The following BLTP1 variants were observed in gnomAD, a reference collection of about 807,000 sequenced individuals.
BLTP1 encodes the protein fragile site-associated protein.
the BLTP1 span, among the ~76,000 whole-genome samples, chr4:122,159,583 T>G: frequency 6.6e-6 from 1 of 152,320 alleles, no homozygotes; most frequent in Non-Finnish European, 1.5e-5. Context: ...TGATTTTTTC[T>G]TTAAGAATAT....
chr4:122,324,483 A>G, the BLTP1 span: 2 of 1,611,140 alleles, frequency 1.2e-6, no homozygotes, highest in Non-Finnish European at 1.7e-6. Flanking sequence ...ACAGCCGATC[A>G]AAAAGCATTT....
At chr4:122,312,015 A>G in the BLTP1 span, among the ~76,000 whole-genome samples, 1 of 152,098 alleles carries the variant, frequency 6.6e-6, no homozygotes, top group East Asian at 1.9e-4. Flanking sequence ...ATGAGTTTAT[A>G]TATTCATCTT....
the BLTP1 span, among the ~76,000 whole-genome samples, chr4:122,262,524 TATAATATTG>T: frequency 2.6e-5 from 4 of 152,134 alleles, no homozygotes; most frequent in Non-Finnish European, 5.9e-5. Flanking sequence ...TGTGCTTCAT[TATAATATTG>T]ATAATAAAAG....
chr4:122,334,280 T>C, the BLTP1 span: 4 of 1,347,046 alleles, frequency 3.0e-6, no homozygotes, highest in South Asian at 5.2e-5. Context: ...CACATTTTTC[T>C]ATATTTCTTG....
At chr4:122,160,870 C>T in the BLTP1 span, among the ~76,000 whole-genome samples, 1 of 151,616 alleles carries the variant, frequency 6.6e-6, no homozygotes, top group Non-Finnish European at 1.5e-5. Context: ...AATTGGTAAC[C>T]CTACACAAAT....
At chr4:122,288,938 C>G in the BLTP1 span, 1 of 948,154 alleles carries the variant, frequency 1.1e-6, no homozygotes, top group Non-Finnish European at 1.5e-6. Context: ...ATTAGGAACG[C>G]TGAATATTTT....
the BLTP1 span, chr4:122,261,453 C>CT: frequency 1.0e-6 from 1 of 984,186 alleles, no homozygotes. Context: ...CCTGTGTAGT[C>CT]TTTTTTTGTA....
chr4:122,249,440 G>T, the BLTP1 span: 6 of 1,600,160 alleles, frequency 3.7e-6, no homozygotes, highest in East Asian at 1.1e-4. Context: ...TTTAATGTAA[G>T]CTTATGTCTT....
chr4:122,170,615 G>T, the BLTP1 span: 2 of 1,521,576 alleles, frequency 1.3e-6, no homozygotes, highest in Admixed American at 4.8e-5. Context: ...AATCTTTTAG[G>T]CCTTTAGATG....
the BLTP1 span, among the ~76,000 whole-genome samples, chr4:122,339,698 A>C: frequency 6.6e-6 from 1 of 152,136 alleles, no homozygotes; most frequent in African/African-American, 2.4e-5. Context: ...CTACTATATA[A>C]TAATCCACAT....
chr4:122,152,908 T>G, the BLTP1 span: 3 of 796,404 alleles, frequency 3.8e-6, no homozygotes, highest in Non-Finnish European at 3.0e-6. Flanking sequence ...ACCCGCAGGC[T>G]CGGACTGCAG....
the BLTP1 span, chr4:122,331,406 A>G: frequency 8.1e-6 from 13 of 1,612,130 alleles, no homozygotes; most frequent in South Asian, 1.1e-5. Flanking sequence ...ACACCAGTCA[A>G]TAGAAGTCTT....
At chr4:122,303,051 G>T in the BLTP1 span, among the ~76,000 whole-genome samples, 1 of 152,150 alleles carries the variant, frequency 6.6e-6, no homozygotes, top group Non-Finnish European at 1.5e-5. Flanking sequence ...GCCTTCTATG[G>T]GAAAAAGATG....
At chr4:122,279,672 C>T in the BLTP1 span, 6 of 1,311,184 alleles carry the variant, frequency 4.6e-6, no homozygotes, top group South Asian at 6.2e-5. Context: ...TTTTGAAGAC[C>T]TCTCAAATTT....
chr4:122,293,292 G>C, the BLTP1 span: 1 of 492,466 alleles, frequency 2.0e-6, no homozygotes, highest in Middle Eastern at 1.0e-3. Flanking sequence ...GAATGAAAAT[G>C]GTGAGTGAAT....
At chr4:122,332,340 T>G in the BLTP1 span, among the ~76,000 whole-genome samples, 1 of 152,044 alleles carries the variant, frequency 6.6e-6, no homozygotes, top group Non-Finnish European at 1.5e-5. Context: ...AAAGGATGAC[T>G]ATTAGTTTAT....
chr4:122,194,501 T>A, the BLTP1 span: 4 of 862,964 alleles, frequency 4.6e-6, no homozygotes, highest in Non-Finnish European at 5.6e-6. Flanking sequence ...TAGCATATAG[T>A]TGAAAATGAG....
chr4:122,355,245 A>G, the BLTP1 span, among the ~76,000 whole-genome samples: 1 of 152,256 alleles, frequency 6.6e-6, no homozygotes, highest in South Asian at 2.1e-4. Context: ...TCTAAGACCT[A>G]TAAAAGGTCT....
At chr4:122,264,565 C>A in the BLTP1 span, 1 of 616,246 alleles carries the variant, frequency 1.6e-6, no homozygotes, top group Non-Finnish European at 2.4e-6. Context: ...TCATGCAAAA[C>A]AGGAGGAGCC....
Sources: allele counts gnomAD v4.1 joint callset (sites outside exome capture counted in the v4.1 genomes callset), GRCh38; gene constraint gnomAD v4.1.1; transcripts MANE v1.5; gene names NCBI Gene and HGNC (gene_info 2026-07-23, HGNC 2026-07-21).